Variants in EBLN1 observed in about 807,000 individuals in gnomAD.
EBLN1 encodes endogenous Bornavirus like nucleoprotein 1.
In EBLN1, 1 loss-of-function variant was observed where a neutral mutation model predicts 0.8. The observed-to-expected ratio is 1.32, with a 90% CI of 0.47 to 6.26. The LOEUF (loss-of-function observed/expected upper bound fraction) is 6.26, where lower values mean the gene tolerates loss of function less well. Among genes scored for constraint, EBLN1 ranks in the 30% most tolerant of loss-of-function variants. The pLI is 0.15. For synonymous variants in EBLN1, 158 were observed against 158.5 expected (o/e 1.00, Z 0.02); for missense variants, 396 against 447.9 (o/e 0.88, Z 1.05).
rs1326184143 is a variant in EBLN1, at chr10:22,209,653, T to G, written c.331A>C (p.Lys111Gln). Residue 111 changes from lysine to glutamine, a missense_variant, in exon 3 of 3, where the codon AAG becomes CAG. Coordinates refer to ENST00000422359, the MANE Select transcript of EBLN1 (RefSeq NM_001394757.1). Reference sequence around the variant, plus strand: ...CTAGCATAGAGAGTACCTGTTTCCTTGTTCTCATTCCCAATCACAATATTA... The same window carrying G: ...CTAGCATAGAGAGTACCTGTTTCCTGGTTCTCATTCCCAATCACAATATTA... ...RSNIVIGNEN[K>Q]ETGTLYASKF... 7.8e-6 allele frequency: 12 copies of G among 1,535,750 alleles called. No homozygotes were observed. Among genetic ancestry groups the G allele is most frequent in the Admixed American group, 2.0e-5 (1 of 50,986 alleles).
chr10:22,212,979 A>C lies in EBLN1; in HGVS notation c.-168-14T>G, dbSNP rs1038923744. Reference sequence around the variant, plus strand: ...GAGATCCTGTCTCTAAAAGAAAAAAAAAAAAAGGTTGTATTAAAAACCCAG... The same window carrying C: ...GAGATCCTGTCTCTAAAAGAAAAAACAAAAAAGGTTGTATTAAAAACCCAG... On this transcript the variant is annotated splice_polypyrimidine_tract_variant and intron_variant, in intron 1 of 2. Coordinates refer to ENST00000422359, the MANE Select transcript of EBLN1 (RefSeq NM_001394757.1). 6.6e-6 allele frequency among the ~76,000 whole-genome samples: 1 copy of C among 151,818 alleles called. No homozygotes were observed. The highest frequency in any genetic ancestry group is 1.5e-5 in the Non-Finnish European group (1 of 67,964).
intron 1 of EBLN1, among the ~76,000 whole-genome samples, chr10:22,215,007 C>T (rs1213940127): frequency 2.0e-5 from 3 of 152,180 alleles, no homozygotes; most frequent in Non-Finnish European, 2.9e-5. Context: ...CTCTTGAAAA[C>T]TTACGCTATG....
At chr10:22,217,738 G>T (rs1422921472) in intron 1 of EBLN1, among the ~76,000 whole-genome samples, 178 bp downstream of exon 1, 1 of 152,182 alleles carries the variant, frequency 6.6e-6, no homozygotes, top group East Asian at 1.9e-4. Flanking sequence ...CTTGAAAAAG[G>T]TTAAATATTA....
At chr10:22,210,075 C>T in intron 2 of EBLN1, 48 bp from the exon 3 acceptor site, 2 of 1,243,402 alleles carry the variant, frequency 1.6e-6, no homozygotes, top group South Asian at 6.9e-5. Flanking sequence ...TTTTAAATTA[C>T]ATTTATTAAT....
At chr10:22,211,768 C>T (rs919158017) in intron 2 of EBLN1, among the ~76,000 whole-genome samples, 1 of 152,150 alleles carries the variant, frequency 6.6e-6, no homozygotes, top group African/African-American at 2.4e-5. Context: ...CGCTACCCCA[C>T]CCCTCCGCCA....
chr10:22,215,204 T>G (rs1026859478), intron 1 of EBLN1, among the ~76,000 whole-genome samples: 2 of 152,190 alleles, frequency 1.3e-5, no homozygotes, highest in African/African-American at 4.8e-5. Context: ...GATGAAAATG[T>G]TGTAAAATTA....
At chr10:22,210,132 C>T in intron 2 of EBLN1, 105 bp from the exon 3 acceptor site, 10 of 1,073,098 alleles carry the variant, frequency 9.3e-6, no homozygotes, top group Non-Finnish European at 1.2e-5. Context: ...TAGTAATATT[C>T]AGTTTTTTAG....
intron 1 of EBLN1, among the ~76,000 whole-genome samples, chr10:22,216,474 C>A (rs1045678863): frequency 1.3e-5 from 2 of 152,066 alleles, no homozygotes; most frequent in African/African-American, 2.4e-5. Flanking sequence ...AACAGGGCAA[C>A]AACCTCTTTA....
At chr10:22,214,376 CGCT>C (rs1219333812) in intron 1 of EBLN1, among the ~76,000 whole-genome samples, 1 of 150,642 alleles carries the variant, frequency 6.6e-6, no homozygotes, top group East Asian at 1.9e-4. Flanking sequence ...CATGGTTCAC[CGCT>C]GCTGCAACCT....
Position 22,209,703 on chromosome 10 carries a change from A to C in EBLN1, c.281T>G (p.Leu94Arg). The change falls in exon 3 of 3, where the codon CTC becomes CGC. Residue 94 changes from leucine to arginine, a missense_variant. Physicochemically the swap from Leu to Arg is moderately radical, Grantham distance 102. Coordinates refer to ENST00000422359, the MANE Select transcript of EBLN1 (RefSeq NM_001394757.1). ...FIFDGLHKAL[L>R]SVGVSKRSNI... ...AGACCTTTTGCTCACACCGACACTG[A>C]GTAGTGCCTTGTGTAATCCATCGAA... is the stretch of plus-strand genomic sequence containing the variant. The C allele has an allele frequency of 6.5e-7, 1 of 1,535,906 alleles. No individual in the cohort carries two copies. Among genetic ancestry groups the C allele is most frequent in the Non-Finnish European group, 8.7e-7 (1 of 1,146,910 alleles).
intron 2 of EBLN1, among the ~76,000 whole-genome samples, chr10:22,210,690 T>C (rs1414076753): frequency 6.6e-6 from 1 of 152,242 alleles, no homozygotes; most frequent in African/African-American, 2.4e-5. Flanking sequence ...TATTTCATTG[T>C]GCAGAACCAA....
chr10:22,215,046 T>A (rs1330958691), intron 1 of EBLN1, among the ~76,000 whole-genome samples: 1 of 152,220 alleles, frequency 6.6e-6, no homozygotes, highest in Non-Finnish European at 1.5e-5. Flanking sequence ...AAAGATCATA[T>A]GTTGTGCGAT....
chr10:22,209,473 A>T lies in EBLN1; in HGVS notation c.511T>A (p.Ser171Thr). ...VQRQFKAMMISIGRPLHSESA... is the reference protein window; with the variant it reads ...VQRQFKAMMITIGRPLHSESA... ...TCACTATGCAAAGGTCTTCCAATGG[A>T]TATCATCATTGCCTTGAATTGTCTC... The change falls in exon 3 of 3, where the codon TCC becomes ACC. Residue 171 changes from serine (S) to threonine (T), a missense_variant. Ser to Thr is a moderately conservative substitution (Grantham distance 58, BLOSUM62 1). Coordinates refer to ENST00000422359, the MANE Select transcript of EBLN1 (RefSeq NM_001394757.1). The T allele has an allele frequency of 6.3e-7, 1 of 1,596,924 alleles. No homozygotes were observed. The highest frequency in any genetic ancestry group is 8.5e-7 in the Non-Finnish European group (1 of 1,179,016).
rs527592799 is a variant in EBLN1, at chr10:22,208,844, C to A, written c.*39G>T. ...TTAGAATGTGATTTTCACATAATTT[C>A]TTTTTATATGTATATATAAGGATTA... On this transcript the variant is annotated 3_prime_UTR_variant, in exon 3 of 3. Transcript: ENST00000422359. 3.9e-4 allele frequency: 571 copies of A among 1,450,480 alleles called. 14 individuals carry two copies. The South Asian group carries it at 7.9e-3, about 20-fold the overall frequency. 89.9% of individuals were successfully genotyped at this position (1,450,480 alleles called of 1,614,324 possible).
chr10:22,212,342 A>G (rs1055749856), intron 2 of EBLN1, among the ~76,000 whole-genome samples: 9 of 152,240 alleles, frequency 5.9e-5, no homozygotes, highest in African/African-American at 1.4e-4. Flanking sequence ...TGAAATTTCT[A>G]AAATATGCAA....
At position 22,209,595 on chromosome 10, in the gene EBLN1, G is replaced by A. The variant is rs1270499892; in HGVS notation, c.389C>T (p.Ala130Val). 1 of 1,537,786 alleles carries A rather than the reference G, an allele frequency of 6.5e-7. No homozygotes were observed. Among genetic ancestry groups the A allele is most frequent in the Non-Finnish European group, 8.7e-7 (1 of 1,147,980 alleles). ...ACGCAGAATTGATGACATCTCAAGG[G>A]CAGTGAAGGTAGGCAAAACATCTTC... ...KFEDVLPTFT[A>V]LEMSSILRHC... Residue 130 changes from alanine (A) to valine (V), a missense_variant, in exon 3 of 3, where the codon GCC becomes GTC. By Grantham distance (64) the Ala-to-Val change is moderately conservative. Coordinates refer to ENST00000422359, the MANE Select transcript of EBLN1 (RefSeq NM_001394757.1).
chr10:22,209,110 C>T lies in EBLN1; in HGVS notation c.874G>A (p.Val292Met). 2 of 1,536,366 alleles carry T rather than the reference C, an allele frequency of 1.3e-6. No homozygotes were observed. The highest frequency in any genetic ancestry group is 1.2e-5 in the South Asian group (1 of 84,060). ...GGVLRHPVIG[V>M]LSPQMFPNLA... ...TTTGGGAACATTTGTGGTGATAGCACCCCAATAACAGGGTGGCGAAGTACA... is the reference window on the plus strand; with the variant it reads ...TTTGGGAACATTTGTGGTGATAGCATCCCAATAACAGGGTGGCGAAGTACA... The change falls in exon 3 of 3, where the codon GTG becomes ATG. Residue 292 changes from valine (V) to methionine (M), a missense_variant. Coordinates refer to ENST00000422359, the MANE Select transcript of EBLN1 (RefSeq NM_001394757.1).
intron 1 of EBLN1, among the ~76,000 whole-genome samples, chr10:22,214,560 C>T (rs752286340): frequency 1.3e-5 from 2 of 151,996 alleles, no homozygotes; most frequent in Non-Finnish European, 2.9e-5. Context: ...TATTTGCACA[C>T]AAAACTCATT....
intron 2 of EBLN1, among the ~76,000 whole-genome samples, chr10:22,210,318 TC>T (rs1834739708): frequency 1.3e-5 from 2 of 152,124 alleles, no homozygotes; most frequent in South Asian, 4.1e-4. Flanking sequence ...ATTTAAGGTT[TC>T]CTTAAATTTA....
Sources: allele counts gnomAD v4.1 joint callset (sites outside exome capture counted in the v4.1 genomes callset), GRCh38; gene constraint gnomAD v4.1.1; transcripts MANE v1.5; gene names NCBI Gene and HGNC (gene_info 2026-07-23, HGNC 2026-07-21).